Variants in EYA1 observed in about 807,000 individuals in gnomAD.
EYA1 encodes the protein protein phosphatase EYA1.
Under a neutral mutation model 82.0 loss-of-function variants are expected in EYA1, and 16 were observed. The ratio of observed to expected loss-of-function variants is 0.20; its 90% CI spans 0.13 to 0.30. The LOEUF (loss-of-function observed/expected upper bound fraction) is 0.30. Among genes scored for constraint, EYA1 ranks in the 10% least tolerant of loss-of-function variants. The probability of loss-of-function intolerance (pLI) is 1.00; values close to 1 mark genes in which losing one functional copy is unlikely to be tolerated. For missense variants in EYA1, 633 were observed against 730.7 expected, an observed-to-expected ratio of 0.87 and a Z score of 1.54; for synonymous variants, 261 against 264.4, an observed-to-expected ratio of 0.99 and a Z score of 0.12.
At chr8:71,438,310 C>T (rs1806154271) in intron 2 of EYA1, among the ~76,000 whole-genome samples, 1 of 151,896 alleles carries the variant, frequency 6.6e-6, no homozygotes, top group Non-Finnish European at 1.5e-5. Context: ...TGATAACCAA[C>T]TAACTTGATC....
intron 2 of EYA1, among the ~76,000 whole-genome samples, chr8:71,454,417 G>A (rs200546331): frequency 1.2e-4 from 18 of 152,180 alleles, no homozygotes; most frequent in Middle Eastern, 3.4e-3. Flanking sequence ...TGCACCAAGC[G>A]GACTTAATAG....
rs775245473 is a variant in EYA1 at position 71,234,343 on chromosome 8, G to GT, written c.1140+10259dup. ...AGCCCATCTCTTTGTGTCTGTCTCTGTGGGAATTCTTGATCCTTTCTGTCT... is the reference window on the plus strand; with the variant it reads ...AGCCCATCTCTTTGTGTCTGTCTCTGTTGGGAATTCTTGATCCTTTCTGTCT... On this transcript the variant is annotated intron_variant, in intron 12 of 17. Transcript: ENST00000340726. 5.3e-5 allele frequency among the ~76,000 whole-genome samples: 8 copies of GT among 152,198 alleles called. No homozygotes were observed. The East Asian group carries it at 1.2e-3, about 22-fold the overall frequency.
chr8:71,309,230 A>C (rs1033973300), intron 7 of EYA1, among the ~76,000 whole-genome samples: 4 of 152,184 alleles, frequency 2.6e-5, no homozygotes, highest in African/African-American at 7.2e-5. Context: ...CATGAAGAAA[A>C]CAATGTTGGT....
chr8:71,318,709 A>G (rs571145540), intron 6 of EYA1, among the ~76,000 whole-genome samples: 2 of 152,176 alleles, frequency 1.3e-5, no homozygotes, highest in African/African-American at 2.4e-5. Flanking sequence ...TATCTTTAGG[A>G]TCTAGAATAC....
intron 2 of EYA1, among the ~76,000 whole-genome samples, chr8:71,405,527 T>C (rs1169904213): frequency 3.3e-5 from 5 of 152,218 alleles, no homozygotes; most frequent in Non-Finnish European, 7.3e-5. Context: ...AGTTGTTTAT[T>C]ATCACTGTTA....
At chr8:71,249,108 A>C (rs1813444877) in intron 11 of EYA1, among the ~76,000 whole-genome samples, 1 of 152,148 alleles carries the variant, frequency 6.6e-6, no homozygotes, top group African/African-American at 2.4e-5. Flanking sequence ...AGTCAATCTC[A>C]TTGCCAAATG....
At chr8:71,338,197 A>G (rs1374598996) in intron 3 of EYA1, among the ~76,000 whole-genome samples, 1 of 152,252 alleles carries the variant, frequency 6.6e-6, no homozygotes, top group African/African-American at 2.4e-5. Context: ...AAGATCAGCC[A>G]TGAGGCCACA....
At chr8:71,535,073 C>CTT (rs34082903) in intron 2 of EYA1, among the ~76,000 whole-genome samples, 1 of 151,798 alleles carries the variant, frequency 6.6e-6, no homozygotes, top group East Asian at 1.9e-4. Flanking sequence ...CTGAAATATG[C>CTT]TTTTTTTTAA....
chr8:71,338,528 A>G (rs1586442211), intron 3 of EYA1, among the ~76,000 whole-genome samples: 1 of 152,344 alleles, frequency 6.6e-6, no homozygotes, highest in African/African-American at 2.4e-5. Context: ...AGCTATCAAG[A>G]TCATGCCACT....
intron 2 of EYA1, among the ~76,000 whole-genome samples, chr8:71,386,229 G>A (rs1184255922): frequency 6.6e-6 from 1 of 152,104 alleles, no homozygotes; most frequent in Non-Finnish European, 1.5e-5. Flanking sequence ...CTGTCTCCAA[G>A]ACCAGGGTCA....
chr8:71,458,514 T>C (rs911146061), intron 2 of EYA1, among the ~76,000 whole-genome samples: 47 of 152,120 alleles, frequency 3.1e-4, no homozygotes, highest in African/African-American at 1.1e-3. Context: ...CCAAGAACTG[T>C]TGAAAATACT....
chr8:71,344,638 T>G (rs1205006616), intron 3 of EYA1, among the ~76,000 whole-genome samples: 1 of 152,244 alleles, frequency 6.6e-6, no homozygotes, highest in Non-Finnish European at 1.5e-5. Flanking sequence ...GAATATGGTT[T>G]TATCATCCTT....
intron 1 of EYA1, among the ~76,000 whole-genome samples, chr8:71,542,873 G>A (rs1340374990): frequency 6.6e-6 from 1 of 152,152 alleles, no homozygotes; most frequent in African/African-American, 2.4e-5. Context: ...GAAAGTGTCT[G>A]TTCATGTCCT....
intron 3 of EYA1, among the ~76,000 whole-genome samples, chr8:71,349,320 A>C (rs914534830): frequency 1.7e-4 from 26 of 152,236 alleles, no homozygotes; most frequent in African/African-American, 6.3e-4. Context: ...GAATGGCATC[A>C]TTCAGCCATG....
Position 71,244,585 on chromosome 8 carries a change from T to G in EYA1, c.1140+18A>C, listed in dbSNP as rs770955719. Reference sequence around the variant, plus strand: ...ATTTTCAGACATGCAAAAATATGTATTAAAAATTAGAACTTACTTCTAAGT... The same window carrying G: ...ATTTTCAGACATGCAAAAATATGTAGTAAAAATTAGAACTTACTTCTAAGT... On this transcript the variant is annotated intron_variant, in intron 12 of 17. Transcript: ENST00000340726. 5.3e-6 allele frequency: 7 copies of G among 1,328,642 alleles called. No homozygotes were observed. The highest frequency in any genetic ancestry group is 1.8e-5 in the Admixed American group (1 of 57,044). The allele number at this position is 1,328,642 out of a possible 1,614,324, so 82.3% of individuals were successfully genotyped here. A position where few individuals can be genotyped will look rare whatever the true frequency, so the allele number is the denominator to read the frequency against.
chr8:71,228,671 C>T (rs1417990949), intron 12 of EYA1, among the ~76,000 whole-genome samples: 10 of 152,210 alleles, frequency 6.6e-5, no homozygotes, highest in South Asian at 2.1e-4. Flanking sequence ...CACATGTTCT[C>T]GATTCTTTCA....
At chr8:71,249,460 G>A (rs758057511) in intron 11 of EYA1, among the ~76,000 whole-genome samples, 4 of 152,024 alleles carry the variant, frequency 2.6e-5, no homozygotes, top group Non-Finnish European at 4.4e-5. Context: ...GCAGGGAAAA[G>A]CCCCTTATAA....
chr8:71,271,731 T>C lies in EYA1; in HGVS notation c.966+27A>G, dbSNP rs372557908. On this transcript the variant is annotated intron_variant, in intron 10 of 17. Transcript: ENST00000340726. ...AGTTAGCTATTAAGACACCTTTCTA[T>C]TCACTTGGGTGTTGGCTATGACGTA... is the stretch of plus-strand genomic sequence containing the variant. The C allele has an allele frequency of 2.0e-4, 324 of 1,614,140 alleles. 4 individuals carry two copies. In the South Asian group the frequency reaches 2.3e-3, roughly 12 times the overall value.
chr8:71,209,904 G>A (rs1240305481), intron 17 of EYA1, among the ~76,000 whole-genome samples: 1 of 152,182 alleles, frequency 6.6e-6, no homozygotes. Context: ...ACCAAGCAAA[G>A]TAAGATCCCT....
Sources: gnomAD v4.1 joint callset for allele counts (sites outside exome capture counted in the v4.1 genomes callset) on GRCh38, gnomAD v4.1.1 for gene constraint, MANE v1.5 for transcripts, NCBI Gene and HGNC (gene_info 2026-07-23, HGNC 2026-07-21) for gene names.